Variants in KALRN observed in about 807,000 individuals in gnomAD.
KALRN encodes the protein kalirin RhoGEF kinase, also known as kalirin.
Under a neutral mutation model 353.7 loss-of-function variants are expected in KALRN, and 70 were observed. That is an observed-to-expected ratio of 0.20 (90% CI 0.16 to 0.24). The LOEUF is 0.24. Among genes scored for constraint, KALRN ranks in the 10% least tolerant of loss-of-function variants. The pLI, the probability that KALRN is intolerant of heterozygous loss-of-function variation, is 1.00. For synonymous variants in KALRN, 1,391 were observed against 1,434.8 expected (o/e 0.97, Z 0.69); for missense variants, 2,791 against 3,756.7 (o/e 0.74, Z 6.72).
At chr3:124,180,232 C>T (rs1007493822) in intron 1 of KALRN, among the ~76,000 whole-genome samples, 2 of 152,208 alleles carry the variant, frequency 1.3e-5, no homozygotes, top group African/African-American at 2.4e-5. Context: ...CAACTTTTGG[C>T]ACGAGTGCCT....
At position 124,318,330 on chromosome 3, in the gene KALRN, C is replaced by CTG. The variant is rs916543548; in HGVS notation, c.1093-7647_1093-7646dup. Among the ~76,000 whole-genome samples the CTG allele has an allele frequency of 3.7e-4, 56 of 152,312 alleles. 1 individual carries two copies. Among genetic ancestry groups the CTG allele is most frequent in the African/African-American group, 1.3e-3 (55 of 41,572 alleles). The stretch of plus-strand genomic sequence containing the variant: ...CCCATTTGGCCCCCCAGAGGGCACC[C>CTG]TGTGGTTCATGGGAGGCAGAAGTTG... On this transcript the variant is annotated intron_variant, in intron 6 of 59. Transcript: ENST00000682506.
At chr3:124,237,846 G>A (rs1451633307) in intron 3 of KALRN, among the ~76,000 whole-genome samples, 3 of 152,288 alleles carry the variant, frequency 2.0e-5, no homozygotes, top group Admixed American at 6.5e-5. Context: ...GGCAGCCCAA[G>A]ATGGGAGTGC....
At chr3:124,692,344 C>T (rs554188455) in intron 51 of KALRN, among the ~76,000 whole-genome samples, 1 of 152,308 alleles carries the variant, frequency 6.6e-6, no homozygotes, top group African/African-American at 2.4e-5. Context: ...TTTAGAAAAC[C>T]TGGGTGGTAT....
At chr3:124,072,710 C>T (rs1460422341) in intron 1 of KALRN, among the ~76,000 whole-genome samples, 1 of 152,234 alleles carries the variant, frequency 6.6e-6, no homozygotes, top group East Asian at 1.9e-4. Flanking sequence ...AAGACTCCAT[C>T]AGTGTGACCT....
At chr3:124,584,520 A>G (rs550574624) in intron 34 of KALRN, 1 of 860,668 alleles carries the variant, frequency 1.2e-6, no homozygotes, top group Non-Finnish European at 1.6e-6. Flanking sequence ...CCCCGTGCCC[A>G]CAGCGTTGGT....
intron 37 of KALRN, among the ~76,000 whole-genome samples, chr3:124,637,976 GGATAGCTCATTAGGAT>G (rs2081559581): frequency 6.6e-6 from 1 of 152,136 alleles, no homozygotes; most frequent in Non-Finnish European, 1.5e-5. Context: ...GCCCCTTTTT[GGATAGCTCATTAGGAT>G]GGAGCTGTTC....
intron 34 of KALRN, among the ~76,000 whole-genome samples, chr3:124,595,656 G>A (rs1045939121): frequency 6.6e-6 from 1 of 152,104 alleles, no homozygotes; most frequent in Non-Finnish European, 1.5e-5. Context: ...AAGGGTGTCT[G>A]GAATTACAAG....
chr3:124,693,566 G>A (rs900496836), intron 51 of KALRN, among the ~76,000 whole-genome samples: 8 of 152,084 alleles, frequency 5.3e-5, no homozygotes, highest in African/African-American at 9.7e-5. Context: ...GCCTGGGGCC[G>A]CACGCTGCCA....
At chr3:124,693,588 G>A (rs368715381) in intron 51 of KALRN, among the ~76,000 whole-genome samples, 108 of 152,282 alleles carry the variant, frequency 7.1e-4, no homozygotes, top group African/African-American at 2.6e-3. Context: ...GCAGGAATGT[G>A]AACAACTGAA....
intron 16 of KALRN, among the ~76,000 whole-genome samples, chr3:124,431,823 T>C (rs920684136): frequency 6.6e-6 from 1 of 152,342 alleles, no homozygotes. Context: ...TGTTGATTGA[T>C]TGCAACCATT....
chr3:124,401,562 A>G (rs555106396), intron 13 of KALRN, among the ~76,000 whole-genome samples: 1 of 152,348 alleles, frequency 6.6e-6, no homozygotes, highest in South Asian at 2.1e-4. Flanking sequence ...TAGCCTTTGT[A>G]TGTATAAAAA....
chr3:124,058,662 T>TG (rs1368404966), intron 1 of KALRN, among the ~76,000 whole-genome samples: 3 of 152,178 alleles, frequency 2.0e-5, no homozygotes, highest in African/African-American at 7.2e-5. Context: ...GACCTGCAAT[T>TG]GGATTTTTCT....
chr3:124,102,468 C>T (rs1363810902), intron 1 of KALRN, among the ~76,000 whole-genome samples: 1 of 152,174 alleles, frequency 6.6e-6, no homozygotes, highest in African/African-American at 2.4e-5. Context: ...TTCAGAGACT[C>T]GTGGTCACTA....
Position 124,039,974 on chromosome 3 carries a change from A to G in KALRN, c.73+6161A>G, listed in dbSNP as rs147014651. On this transcript the variant is annotated intron_variant, in intron 1 of 59. Transcript: ENST00000682506. ...GAGAGGGAATGTTGTTAATATTTCT[A>G]ATGCTATATTTTTATAGGCTATTTC... Among the ~76,000 whole-genome samples the G allele has an allele frequency of 4.6e-3, 702 of 152,292 alleles. 2 individuals are homozygous for G. The highest frequency in any genetic ancestry group is 8.4e-3 in the Admixed American group (129 of 15,296).
chr3:124,127,993 T>A (rs1370788339), intron 1 of KALRN, among the ~76,000 whole-genome samples: 1 of 152,194 alleles, frequency 6.6e-6, no homozygotes, highest in Non-Finnish European at 1.5e-5. Flanking sequence ...AATCTCTTCA[T>A]TATTTTGTGT....
chr3:124,398,820 C>A lies in KALRN; in HGVS notation c.2295C>A (p.Ile765=). 6.2e-7 allele frequency: 1 copy of A among 1,614,078 alleles called. No homozygotes were observed. The highest frequency in any genetic ancestry group is 8.5e-7 in the Non-Finnish European group (1 of 1,179,990). The stretch of plus-strand genomic sequence containing the variant: ...AGGAGCTGTTCCACGAGCGGAAGAT[C>A]AAGCTGGACATCTTCCTGCAACTGC... ...QMEELFHERK[I]KLDIFLQLRI... is the part of the protein sequence containing the mutation. The change falls in exon 13 of 60, where the codon ATC becomes ATA. Residue 765 remains isoleucine (I), a synonymous_variant. Coordinates refer to ENST00000682506, the MANE Select transcript of KALRN (RefSeq NM_001388419.1).
intron 1 of KALRN, among the ~76,000 whole-genome samples, chr3:124,214,617 G>A (rs2077166659): frequency 1.3e-5 from 2 of 152,170 alleles, no homozygotes; most frequent in Admixed American, 1.3e-4. Flanking sequence ...TGAGTGCTGG[G>A]GAGTTGGTGA....
intron 54 of KALRN, among the ~76,000 whole-genome samples, chr3:124,696,518 A>G (rs1378382428): frequency 1.3e-5 from 2 of 152,208 alleles, no homozygotes; most frequent in Non-Finnish European, 2.9e-5. Context: ...TCAGTAAAAC[A>G]CACAATAAAA....
intron 57 of KALRN, among the ~76,000 whole-genome samples, chr3:124,707,677 T>G (rs1385147480): frequency 6.6e-6 from 1 of 152,146 alleles, no homozygotes; most frequent in Non-Finnish European, 1.5e-5. Context: ...CTTAATTGTT[T>G]TTTTGTGTCT....
Sources: allele counts gnomAD v4.1 joint callset (sites outside exome capture counted in the v4.1 genomes callset), GRCh38; gene constraint gnomAD v4.1.1; transcripts MANE v1.5; gene names NCBI Gene and HGNC (gene_info 2026-07-23, HGNC 2026-07-21).